Variants in TAF6 observed in about 807,000 individuals in gnomAD.
The protein encoded by TAF6 is TATA-box binding protein associated factor 6.
TAF6 carries 50 observed loss-of-function variants against 73.5 expected under a neutral mutation model. The ratio of observed to expected loss-of-function variants is 0.68; its 90% CI spans 0.54 to 0.86. The LOEUF is 0.86. Ranked by LOEUF, TAF6 falls within the 40% of genes least tolerant of loss-of-function variation. The probability of loss-of-function intolerance (pLI) is 0.00; values close to 1 mark genes in which losing one functional copy is unlikely to be tolerated. For synonymous variants in TAF6, 424 were observed against 376.7 expected, an observed-to-expected ratio of 1.13 and a Z score of -1.45; for missense variants, 768 against 899.5, an observed-to-expected ratio of 0.85 and a Z score of 1.87.
upstream of TAF6, chr7:100,122,480 G>T: frequency 6.2e-7 from 1 of 1,614,042 alleles, no homozygotes; most frequent in Non-Finnish European, 8.5e-7. Flanking sequence ...TCTTTCCACA[G>T]AGAGACAAGG....
At chr7:100,124,459 C>T (rs545023339), upstream of TAF6, 47 of 1,367,314 alleles carry the variant, frequency 3.4e-5, no homozygotes, top group East Asian at 2.1e-4. Flanking sequence ...AGAAGACAGG[C>T]GGGATCCCAA....
intron 1 of TAF6, among the ~76,000 whole-genome samples, chr7:100,118,045 C>CAAAAAAAA (rs749816135): frequency 2.5e-5 from 2 of 81,146 alleles, no homozygotes; most frequent in Non-Finnish European, 4.9e-5. Context: ...GACTCTGTCT[C>CAAAAAAAA]AAAAAAAAAA....
chr7:100,123,027 G>A, upstream of TAF6: 1 of 1,116,574 alleles, frequency 9.0e-7, no homozygotes, highest in Non-Finnish European at 1.2e-6. Flanking sequence ...CCAGAGTGAG[G>A]ACTGTGCCAT....
At chr7:100,122,115 T>C, upstream of TAF6, 1 of 878,114 alleles carries the variant, frequency 1.1e-6, no homozygotes, top group Non-Finnish European at 1.7e-6. Flanking sequence ...ACACAGCTGC[T>C]AAATGGCTGA....
chr7:100,114,738 G>C (rs1797535673), intron 1 of TAF6, among the ~76,000 whole-genome samples: 1 of 151,718 alleles, frequency 6.6e-6, no homozygotes, highest in Non-Finnish European at 1.5e-5. Context: ...ATCTGGACTG[G>C]GCCTAGTGGC....
chr7:100,125,605 G>A, the TAF6 span: 1 of 152,148 alleles, frequency 6.6e-6, no homozygotes, highest in Non-Finnish European at 1.5e-5. Context: ...TTAAGCTCAA[G>A]CTCCAGCCTG....
At chr7:100,112,720 CAAAA>C (rs376981143) in intron 6 of TAF6, 74 bp downstream of exon 6, 7 of 1,460,342 alleles carry the variant, frequency 4.8e-6, no homozygotes, top group Non-Finnish European at 5.5e-6. Context: ...GTCTCAAAAA[CAAAA>C]AAAAAGGAAA....
chr7:100,124,875 G>A, the TAF6 span: 353 of 1,597,762 alleles, frequency 2.2e-4, no homozygotes, highest in South Asian at 3.3e-4. Flanking sequence ...AAACTTGACC[G>A]AGAAGATCTT....
chr7:100,108,696 G>C lies in TAF6; in HGVS notation c.1285-156C>G. 3 of 714,344 alleles carry C rather than the reference G, an allele frequency of 4.2e-6. No individual in the cohort carries two copies. In the Admixed American group the frequency reaches 8.6e-5, roughly 21 times the overall value. The allele number at this position is 714,344 out of a possible 1,614,324, so 44.3% of individuals were successfully genotyped here. Reference sequence around the variant, plus strand: ...CCCCTGTTGAAGGCCAAATTATGCTGAACTATTAGTGTGTGTACAGAACAC... The same window carrying C: ...CCCCTGTTGAAGGCCAAATTATGCTCAACTATTAGTGTGTGTACAGAACAC... On this transcript the variant is annotated intron_variant, in intron 12 of 14. Coordinates refer to ENST00000453269, the MANE Select transcript of TAF6 (RefSeq NM_139315.3).
At chr7:100,122,663 C>T, upstream of TAF6, 1 of 1,503,620 alleles carries the variant, frequency 6.7e-7, no homozygotes, top group Non-Finnish European at 9.0e-7. Flanking sequence ...ATCTGCCCAT[C>T]ATCTCACCAT....
chr7:100,111,337 C>T lies in TAF6; in HGVS notation c.901-16G>A, dbSNP rs374869759. On this transcript the variant is annotated splice_polypyrimidine_tract_variant and intron_variant, in intron 9 of 14. Transcript: ENST00000453269. ...GCTCATGGACCTAAGGGAGAAAGGG[C>T]GGGACAGCTGATTCTGGTTTTGTTT... 44 of 1,604,524 alleles carry T rather than the reference C, an allele frequency of 2.7e-5. No individual in the cohort carries two copies. The highest frequency in any genetic ancestry group is 9.4e-5 in the African/African-American group (7 of 74,692).
At chr7:100,117,241 T>A (rs1402812127) in intron 1 of TAF6, among the ~76,000 whole-genome samples, 2 of 148,528 alleles carry the variant, frequency 1.3e-5, no homozygotes, top group African/African-American at 2.5e-5. Context: ...TGAGACCCCG[T>A]CTCCGTCCAC....
upstream of TAF6, chr7:100,121,116 A>ATATATATTTTTTTTTTTTTTTTTTTT (rs1584585316): frequency 1.9e-5 from 1 of 52,800 alleles, no homozygotes; most frequent in Non-Finnish European, 3.2e-5. Flanking sequence ...ATATATATAT[A>ATATATATTTTTTTTTTTTTTTTTTTT]TTTTTTTTTT....
In TAF6 at chr7:100,119,281, G is replaced by C; in HGVS notation, c.-137C>G. The stretch of plus-strand genomic sequence containing the variant: ...CCACTCAGACCCGCCCCCGCCACCC[G>C]AGCGCGGGGAGCAGGAAAACTCTAG... On this transcript the variant is annotated 5_prime_UTR_variant, in exon 1 of 15. Coordinates refer to ENST00000453269, the MANE Select transcript of TAF6 (RefSeq NM_139315.3). 1 of 1,018,976 alleles carries C rather than the reference G, an allele frequency of 9.8e-7. No homozygotes were observed. Among genetic ancestry groups the C allele is most frequent in the Non-Finnish European group, 1.2e-6 (1 of 848,626 alleles). The allele number at this position is 1,018,976 out of a possible 1,614,324, so 63.1% of individuals were successfully genotyped here. A position where few individuals can be genotyped will look rare whatever the true frequency, so the allele number is the denominator to read the frequency against.
Position 100,111,771 on chromosome 7 carries a change from AC to A in TAF6, c.856del (p.Val286Ter). ...LALLIYLMRMVKALMDNPTLY... is the reference protein window; with the variant it reads ...LALLIYLMRMXKALMDNPTLY... ...CGTGGGGTTGTCCATCAGCGCTTTC[AC>A]CATACGCATCAGGTAGATGAGTAGG... On this transcript the variant is annotated frameshift_variant, in exon 9 of 15. Coordinates refer to ENST00000453269, the MANE Select transcript of TAF6 (RefSeq NM_139315.3). LOFTEE classifies it high-confidence loss of function. 1 of 1,614,152 alleles carries A rather than the reference AC, an allele frequency of 6.2e-7. No individual in the cohort carries two copies. The highest frequency in any genetic ancestry group is 8.5e-7 in the Non-Finnish European group (1 of 1,180,028).
chr7:100,108,208 T>G, intron 13 of TAF6, 85 bp from the exon 14 acceptor site: 1 of 1,475,536 alleles, frequency 6.8e-7, no homozygotes, highest in Non-Finnish European at 9.0e-7. Flanking sequence ...CCCCTCGCTC[T>G]TCCTCAGTGG....
chr7:100,118,351 C>T (rs1406431780), intron 1 of TAF6: 1 of 78,090 alleles, frequency 1.3e-5, no homozygotes, highest in Non-Finnish European at 2.7e-5. Flanking sequence ...GACTCCATCT[C>T]AAAAAAAAAA....
intron 12 of TAF6, among the ~76,000 whole-genome samples, chr7:100,109,745 C>T (rs1796990239): frequency 6.6e-6 from 1 of 152,058 alleles, no homozygotes; most frequent in African/African-American, 2.4e-5. Flanking sequence ...GCTGGGATTA[C>T]AGGCAGAAGC....
the TAF6 span, among the ~76,000 whole-genome samples, chr7:100,126,362 T>C: frequency 2.7e-5 from 4 of 150,286 alleles, no homozygotes; most frequent in African/African-American, 9.8e-5. Context: ...AAAAAAAATT[T>C]AGAGGGGCGT....
Sources: allele counts gnomAD v4.1 joint callset (sites outside exome capture counted in the v4.1 genomes callset), GRCh38; gene constraint gnomAD v4.1.1; transcripts MANE v1.5; gene names NCBI Gene and HGNC (gene_info 2026-07-23, HGNC 2026-07-21).